The following ZC3HC1 variants were observed in gnomAD, a reference collection of about 807,000 sequenced individuals.
The protein encoded by ZC3HC1 is zinc finger C3HC-type containing 1, also known as zinc finger C3HC-type protein 1.
ZC3HC1 carries 38 observed loss-of-function variants against 61.9 expected under a neutral mutation model. That is an observed-to-expected ratio of 0.61 (90% CI 0.47 to 0.81). ZC3HC1 has a LOEUF of 0.81. Ranked by LOEUF, ZC3HC1 falls within the 30% of genes least tolerant of loss-of-function variation. ZC3HC1 has a pLI of 0.00. For synonymous variants in ZC3HC1, 213 were observed against 229.9 expected, an observed-to-expected ratio of 0.93 and a Z score of 0.67; for missense variants, 554 against 622.7, an observed-to-expected ratio of 0.89 and a Z score of 1.17.
intron 2 of ZC3HC1, among the ~76,000 whole-genome samples, chr7:130,044,121 T>A (rs1794782395): frequency 6.6e-6 from 1 of 152,168 alleles, no homozygotes; most frequent in African/African-American, 2.4e-5. Flanking sequence ...AGCTTTTTCC[T>A]CTGAGAGGGC....
chr7:130,020,928 C>T (rs891179283), intron 9 of ZC3HC1, among the ~76,000 whole-genome samples: 11 of 151,688 alleles, frequency 7.3e-5, no homozygotes, highest in Non-Finnish European at 8.8e-5. Context: ...TTTTTTGAGA[C>T]AGCGTCTCTC....
chr7:130,020,576 T>C (rs552200476), intron 9 of ZC3HC1, among the ~76,000 whole-genome samples: 1 of 152,210 alleles, frequency 6.6e-6, no homozygotes, highest in South Asian at 2.1e-4. Context: ...TATATACTTT[T>C]TTTTTTCGAA....
chr7:130,028,034 G>A (rs1449622173), intron 5 of ZC3HC1, among the ~76,000 whole-genome samples: 1 of 151,210 alleles, frequency 6.6e-6, no homozygotes, highest in African/African-American at 2.4e-5. Context: ...AGGCGTGGTC[G>A]CACGTGCCTG....
rs564616452 is a variant in ZC3HC1 at position 130,018,356 on chromosome 7, T to G, written c.*308A>C. On this transcript the variant is annotated 3_prime_UTR_variant, in exon 10 of 10. Transcript: ENST00000358303. ...TAGGATAGAAGAGTCCTCAGAACACTGCTCCACATTGAAGATGCTGAAATG... is the reference window on the plus strand; with the variant it reads ...TAGGATAGAAGAGTCCTCAGAACACGGCTCCACATTGAAGATGCTGAAATG... 4.3e-5 allele frequency: 13 copies of G among 299,824 alleles called. No homozygotes were observed. Among genetic ancestry groups the G allele is most frequent in the Non-Finnish European group, 7.4e-5 (12 of 161,348 alleles). The allele number at this position is 299,824 out of a possible 1,614,324, so 18.6% of individuals were successfully genotyped here.
At chr7:130,031,795 G>T (rs1243209423) in intron 4 of ZC3HC1, among the ~76,000 whole-genome samples, 1 of 152,154 alleles carries the variant, frequency 6.6e-6, no homozygotes, top group Non-Finnish European at 1.5e-5. Flanking sequence ...AGGAAGTGAA[G>T]GCTAACACAG....
At chr7:130,035,113 G>A (rs1400112932) in intron 4 of ZC3HC1, among the ~76,000 whole-genome samples, 1 of 152,080 alleles carries the variant, frequency 6.6e-6, no homozygotes, top group Non-Finnish European at 1.5e-5. Context: ...CTAGAGGCCA[G>A]GCACAGTGGT....
intron 2 of ZC3HC1, chr7:130,043,291 A>G (rs909338690): frequency 6.6e-6 from 1 of 152,186 alleles, no homozygotes; most frequent in Non-Finnish European, 1.5e-5. Flanking sequence ...GAAAAATTCT[A>G]CCTGAAGAGC....
intron 6 of ZC3HC1, 62 bp from the exon 7 acceptor site, chr7:130,024,568 A>G (rs1793805158): frequency 1.2e-5 from 19 of 1,539,666 alleles, no homozygotes; most frequent in Non-Finnish European, 1.5e-5. Flanking sequence ...ACTAAGTGCA[A>G]TGTCTTGTGA....
rs1162253790 is a variant in ZC3HC1, at chr7:130,023,610, C to T, written c.1134G>A (p.Val378=). The T allele has an allele frequency of 1.2e-6, 2 of 1,614,108 alleles. No individual in the cohort carries two copies. The highest frequency in any genetic ancestry group is 3.3e-5 in the Admixed American group (2 of 60,004). ...AASPTTRTRP[V]TRSMGTGDTP... ...TGTCTCCTGTTCCCATGCTTCGGGTCACTGGGCGAGTTCTGGTGGTGGGGC... is the reference window on the plus strand; with the variant it reads ...TGTCTCCTGTTCCCATGCTTCGGGTTACTGGGCGAGTTCTGGTGGTGGGGC... The change falls in exon 8 of 10, where the codon GTG becomes GTA. Residue 378 remains valine, a synonymous_variant. Transcript: ENST00000358303. The surrounding 1 kb of genome is among the most constrained non-coding windows in gnomAD (Gnocchi z 4.2).
intron 5 of ZC3HC1, chr7:130,026,734 C>A (rs1399752435): frequency 1.3e-5 from 2 of 152,860 alleles, no homozygotes; most frequent in African/African-American, 4.8e-5. Context: ...CTTTGGGAGG[C>A]CGAGGCAGGT....
chr7:130,032,983 C>A (rs1794283403), intron 4 of ZC3HC1, among the ~76,000 whole-genome samples: 1 of 152,166 alleles, frequency 6.6e-6, no homozygotes, highest in African/African-American at 2.4e-5. Context: ...CACTTGTAAA[C>A]CCAGCTACTC....
intron 4 of ZC3HC1, chr7:130,036,796 G>T (rs989657323): frequency 9.8e-5 from 15 of 152,290 alleles, no homozygotes; most frequent in Admixed American, 6.5e-4. Context: ...ATCCATGTAG[G>T]AGGTAGAATG....
chr7:130,043,172 G>A (rs1794745431), intron 2 of ZC3HC1, among the ~76,000 whole-genome samples: 1 of 152,048 alleles, frequency 6.6e-6, no homozygotes, highest in South Asian at 2.1e-4. Context: ...AGCTATTGGG[G>A]AGGCTGAGGC....
chr7:130,020,797 A>G (rs1024334458), intron 9 of ZC3HC1, among the ~76,000 whole-genome samples: 1 of 152,220 alleles, frequency 6.6e-6, no homozygotes. Context: ...AAAACTGCCA[A>G]TGTACTAGTT....
intron 1 of ZC3HC1, chr7:130,050,389 T>G (rs1795030542): frequency 6.5e-7 from 1 of 1,530,012 alleles, no homozygotes; most frequent in East Asian, 2.5e-5. Flanking sequence ...CAGGCATTAT[T>G]TTAATAAAAA....
At chr7:130,036,844 A>G (rs146637866) in intron 4 of ZC3HC1, 1 of 152,200 alleles carries the variant, frequency 6.6e-6, no homozygotes, top group Non-Finnish European at 1.5e-5. Flanking sequence ...AAGAGCATCT[A>G]AAGTGACTTT....
At chr7:130,033,443 T>TTA in intron 4 of ZC3HC1, among the ~76,000 whole-genome samples, 1 of 120,158 alleles carries the variant, frequency 8.3e-6, no homozygotes, top group Non-Finnish European at 1.7e-5. Flanking sequence ...TTCTATAGCA[T>TTA]TCTTTTTTTT....
chr7:130,019,361 T>C (rs1368006181), intron 9 of ZC3HC1, among the ~76,000 whole-genome samples: 1 of 152,158 alleles, frequency 6.6e-6, no homozygotes, highest in Non-Finnish European at 1.5e-5. Flanking sequence ...CACTGGTTTT[T>C]CATTCATGAT....
At chr7:130,031,730 C>A (rs1794204389) in intron 4 of ZC3HC1, among the ~76,000 whole-genome samples, 1 of 152,130 alleles carries the variant, frequency 6.6e-6, no homozygotes, top group Non-Finnish European at 1.5e-5. Flanking sequence ...CAGCAAAGAC[C>A]TGAAAAGGCC....
Sources: allele counts gnomAD v4.1 joint callset (sites outside exome capture counted in the v4.1 genomes callset), GRCh38; gene constraint gnomAD v4.1.1; non-coding constraint Gnocchi (gnomAD v3.1); transcripts MANE v1.5; gene names NCBI Gene and HGNC (gene_info 2026-07-23, HGNC 2026-07-21).